TSHR: variants seen among roughly 807,000 people sequenced by gnomAD.
The protein encoded by TSHR is thyroid stimulating hormone receptor.
TSHR carries 51 observed loss-of-function variants against 64.1 expected under a neutral mutation model. The observed-to-expected ratio is 0.80, with a 90% CI of 0.64 to 1.01. The LOEUF (loss-of-function observed/expected upper bound fraction) is 1.01. TSHR is among the 50% of genes least tolerant of loss of function. The pLI is 0.00. For missense variants in TSHR, 877 were observed against 942.8 expected (o/e 0.93, Z 0.91); for synonymous variants, 361 against 361.9 (o/e 1.00, Z 0.03).
At chr14:80,983,568 G>C (rs1888284807) in intron 1 of TSHR, 1 of 1,166,026 alleles carries the variant, frequency 8.6e-7, no homozygotes, top group Non-Finnish European at 1.3e-6. Flanking sequence ...AATTGTAGTT[G>C]TTGATCACTT....
chr14:81,126,383 G>T lies in TSHR; in HGVS notation c.693-13296G>T, dbSNP rs74557831. Among the ~76,000 whole-genome samples, 1,280 of 152,284 alleles carry T rather than the reference G, an allele frequency of 8.4e-3. 27 individuals carry two copies. The highest frequency in any genetic ancestry group is 0.03 in the African/African-American group (1,240 of 41,558). ...GTTCTCCAAAACACCAGGAGCCACT[G>T]TCTAGAGCAATGGCCTCAAATGGTC... On this transcript the variant is annotated intron_variant, in intron 8 of 9. Coordinates refer to ENST00000298171, the MANE Select transcript of TSHR (RefSeq NM_000369.5).
At chr14:81,116,178 C>A (rs1890499428) in intron 8 of TSHR, among the ~76,000 whole-genome samples, 1 of 150,520 alleles carries the variant, frequency 6.6e-6, no homozygotes, top group Non-Finnish European at 1.5e-5. Flanking sequence ...TCACACATAA[C>A]AATATTAACT....
intron 3 of TSHR, among the ~76,000 whole-genome samples, chr14:81,072,150 T>A (rs1271287374): frequency 6.6e-6 from 1 of 152,216 alleles, no homozygotes; most frequent in Non-Finnish European, 1.5e-5. Context: ...ACAAAGTTTG[T>A]ACTTTATTCA....
intron 1 of TSHR, chr14:81,013,460 A>C (rs1318047991): frequency 1.3e-5 from 2 of 152,358 alleles, no homozygotes. Flanking sequence ...TTTTTGAGAC[A>C]TATAAGTAGG....
At chr14:81,025,265 T>C (rs1281710795) in intron 1 of TSHR, among the ~76,000 whole-genome samples, 1 of 152,164 alleles carries the variant, frequency 6.6e-6, no homozygotes, top group Non-Finnish European at 1.5e-5. Context: ...ATCCCTAGCT[T>C]TTTTCTTAAT....
At chr14:80,967,166 T>TTATA (rs200607419) in intron 1 of TSHR, among the ~76,000 whole-genome samples, 6 of 107,656 alleles carry the variant, frequency 5.6e-5, no homozygotes, top group African/African-American at 1.1e-4. Flanking sequence ...GAAAAAAAAA[T>TTATA]TATATATATA....
intron 1 of TSHR, among the ~76,000 whole-genome samples, chr14:81,048,057 C>G (rs1885254913): frequency 1.3e-5 from 2 of 152,236 alleles, no homozygotes; most frequent in South Asian, 2.1e-4. Context: ...CAGGACTTTG[C>G]AATAGATAGC....
At chr14:80,960,447 T>A (rs1048849182) in intron 1 of TSHR, among the ~76,000 whole-genome samples, 15 of 152,228 alleles carry the variant, frequency 9.9e-5, no homozygotes, top group Admixed American at 9.8e-4. Flanking sequence ...CTGTGAATTA[T>A]TCTTTTCCAT....
intron 1 of TSHR, among the ~76,000 whole-genome samples, chr14:81,014,870 A>G (rs1295433188): frequency 6.6e-6 from 1 of 152,230 alleles, no homozygotes; most frequent in African/African-American, 2.4e-5. Context: ...GAGAAACTTC[A>G]CGAGTGTCCA....
chr14:81,138,110 T>G (rs1182327113), intron 8 of TSHR, among the ~76,000 whole-genome samples: 1 of 152,008 alleles, frequency 6.6e-6, no homozygotes, highest in African/African-American at 2.4e-5. Context: ...ACCGCAAAGG[T>G]GTTTATTTAT....
chr14:80,991,827 G>T (rs1034187966), intron 1 of TSHR: 1 of 368,784 alleles, frequency 2.7e-6, no homozygotes, highest in Non-Finnish European at 4.8e-6. Context: ...TGGAGGGATT[G>T]TCTCTTGATG....
chr14:81,005,197 TTGTG>T lies in TSHR; in HGVS notation c.170+49388_170+49391del, dbSNP rs71103894. Among the ~76,000 whole-genome samples, 1,214 of 149,856 alleles carry T rather than the reference TTGTG, an allele frequency of 8.1e-3. 11 individuals carry two copies. Among genetic ancestry groups the T allele is most frequent in the African/African-American group, 0.025 (1,011 of 40,468 alleles). On this transcript the variant is annotated intron_variant, in intron 1 of 9. Transcript: ENST00000298171. ...CTTCTCATGAAGGGGACTCAAGCCT[TTGTG>T]TGTGTGTGTGTGTGTGTGTGTGTGT...
intron 7 of TSHR, among the ~76,000 whole-genome samples, chr14:81,107,471 G>A (rs1889971734): frequency 6.6e-6 from 1 of 152,144 alleles, no homozygotes; most frequent in African/African-American, 2.4e-5. Context: ...ATTTTGTTGT[G>A]TAATAAAGTT....
intron 3 of TSHR, among the ~76,000 whole-genome samples, chr14:81,081,152 A>G (rs1431066754): frequency 6.6e-6 from 1 of 152,116 alleles, no homozygotes. Flanking sequence ...TAGCCACTGC[A>G]CTCCAGCCTG....
At chr14:80,971,054 C>A (rs1234275047) in intron 1 of TSHR, among the ~76,000 whole-genome samples, 1 of 152,082 alleles carries the variant, frequency 6.6e-6, no homozygotes, top group Non-Finnish European at 1.5e-5. Flanking sequence ...GAACTCCTGA[C>A]CTCAAATGAC....
At chr14:81,020,555 A>G (rs960933686) in intron 1 of TSHR, among the ~76,000 whole-genome samples, 3 of 152,206 alleles carry the variant, frequency 2.0e-5, no homozygotes, top group African/African-American at 7.2e-5. Flanking sequence ...CTGAGGTGGA[A>G]CTGAGGCAGC....
intron 1 of TSHR, among the ~76,000 whole-genome samples, chr14:81,029,486 C>T (rs566360227): frequency 1.7e-4 from 26 of 152,086 alleles, no homozygotes; most frequent in African/African-American, 6.3e-4. Flanking sequence ...GTTACAGTTC[C>T]ATATCTGCAC....
At chr14:81,114,877 C>A (rs1009674574) in intron 8 of TSHR, among the ~76,000 whole-genome samples, 18 of 152,092 alleles carry the variant, frequency 1.2e-4, no homozygotes, top group Admixed American at 1.2e-3. Context: ...TGACCCCTGA[C>A]CCCCGAGCAG....
intron 1 of TSHR, among the ~76,000 whole-genome samples, chr14:81,033,590 A>C (rs1884466175): frequency 6.6e-6 from 1 of 150,912 alleles, no homozygotes; most frequent in East Asian, 1.9e-4. Flanking sequence ...AGAAGTTGCT[A>C]AGATGAATGT....
Sources: gnomAD v4.1 joint callset for allele counts (sites outside exome capture counted in the v4.1 genomes callset) on GRCh38, gnomAD v4.1.1 for gene constraint, MANE v1.5 for transcripts, NCBI Gene and HGNC (gene_info 2026-07-23, HGNC 2026-07-21) for gene names.